Variants in CADM2 observed in about 807,000 individuals in gnomAD.
The protein encoded by CADM2 is immunoglobulin superfamily member 4D.
CADM2 carries 12 observed loss-of-function variants against 49.8 expected under a neutral mutation model. That is an observed-to-expected ratio of 0.24 (90% CI 0.15 to 0.39). The LOEUF is 0.39. CADM2 is among the 10% of genes least tolerant of loss of function. CADM2 has a pLI of 1.00. For synonymous variants in CADM2, 214 were observed against 175.4 expected, an observed-to-expected ratio of 1.22 and a Z score of -1.74; for missense variants, 378 against 492.3, an observed-to-expected ratio of 0.77 and a Z score of 2.20.
intron 7 of CADM2, among the ~76,000 whole-genome samples, chr3:85,953,249 A>G (rs1320125408): frequency 1.3e-5 from 2 of 150,992 alleles, no homozygotes; most frequent in Admixed American, 6.6e-5. Flanking sequence ...TTGATTCTTC[A>G]TACACAACTT....
At chr3:85,914,151 G>A (rs959823247) in intron 6 of CADM2, among the ~76,000 whole-genome samples, 1 of 152,032 alleles carries the variant, frequency 6.6e-6, no homozygotes, top group African/African-American at 2.4e-5. Flanking sequence ...ATTATGTTAG[G>A]TTAATTTTAG....
intron 1 of CADM2, among the ~76,000 whole-genome samples, chr3:85,684,571 C>T (rs771449656): frequency 3.9e-5 from 6 of 152,048 alleles, no homozygotes; most frequent in South Asian, 2.1e-4. Flanking sequence ...AAGACATACC[C>T]GAGACTGGGT....
intron 2 of CADM2, among the ~76,000 whole-genome samples, chr3:85,788,407 C>T (rs1312427977): frequency 1.3e-5 from 2 of 151,922 alleles, no homozygotes; most frequent in Non-Finnish European, 2.9e-5. Flanking sequence ...CGTAATTTAA[C>T]GAGTTAGAAT....
intron 1 of CADM2, among the ~76,000 whole-genome samples, chr3:85,348,486 T>G (rs1044530285): frequency 2.0e-5 from 3 of 152,226 alleles, no homozygotes; most frequent in Non-Finnish European, 4.4e-5. Context: ...AGAAAATTTA[T>G]GTAAGCCTCT....
intron 1 of CADM2, among the ~76,000 whole-genome samples, chr3:84,999,609 A>G (rs151026935): frequency 6.6e-6 from 1 of 152,316 alleles, no homozygotes; most frequent in Non-Finnish European, 1.5e-5. Flanking sequence ...ACTTGTTTAC[A>G]GTATGAAATC....
chr3:84,976,406 ATAAAT>A (rs1005626519), intron 1 of CADM2, among the ~76,000 whole-genome samples: 4 of 149,676 alleles, frequency 2.7e-5, no homozygotes, highest in African/African-American at 4.9e-5. Context: ...CATACTTTAA[ATAAAT>A]TAAATAAAGC....
chr3:85,118,288 T>C (rs2038716565), intron 1 of CADM2, among the ~76,000 whole-genome samples: 1 of 152,036 alleles, frequency 6.6e-6, no homozygotes, highest in Non-Finnish European at 1.5e-5. Flanking sequence ...ATCATGTTAT[T>C]TTGGAATTTG....
intron 1 of CADM2, among the ~76,000 whole-genome samples, chr3:85,114,017 T>C (rs6773806): frequency 0.1 from 15,858 of 152,020 alleles, 1,748 homozygotes; most frequent in African/African-American, 0.28. Flanking sequence ...TAATACTTAG[T>C]GGTATGTTTG....
intron 1 of CADM2, among the ~76,000 whole-genome samples, chr3:85,628,572 T>C (rs1333149143): frequency 4.5e-5 from 6 of 133,722 alleles, no homozygotes; most frequent in Non-Finnish European, 4.6e-5. Flanking sequence ...TATATACATA[T>C]ATACACACAC....
At chr3:85,738,929 A>G (rs1286068095) in intron 2 of CADM2, among the ~76,000 whole-genome samples, 6 of 152,172 alleles carry the variant, frequency 3.9e-5, no homozygotes, top group African/African-American at 1.2e-4. Context: ...CCTAGTCAAA[A>G]GTAGTTGTAA....
rs979061405 is a variant in CADM2, at chr3:85,613,105, A to G, written c.62-113417A>G. ...ACACACACAGGAATAAGGTAGTTAC[A>G]TGGATTCATGATGTGAAAAGCTCTT... is the stretch of plus-strand genomic sequence containing the variant. On this transcript the variant is annotated intron_variant, in intron 1 of 9. Coordinates refer to ENST00000383699, the MANE Select transcript of CADM2 (RefSeq NM_001167675.2). Among the ~76,000 whole-genome samples the G allele has an allele frequency of 4.6e-5, 7 of 151,810 alleles. 1 individual carries two copies. The highest frequency in any genetic ancestry group is 7.4e-5 in the Non-Finnish European group (5 of 67,770).
chr3:85,802,727 G>T (rs931698366), intron 3 of CADM2, among the ~76,000 whole-genome samples: 1 of 151,976 alleles, frequency 6.6e-6, no homozygotes, highest in Non-Finnish European at 1.5e-5. Context: ...AAGTTGAATT[G>T]GACTTCATTA....
At chr3:85,143,741 A>T (rs1349279723) in intron 1 of CADM2, among the ~76,000 whole-genome samples, 1 of 152,112 alleles carries the variant, frequency 6.6e-6, no homozygotes, top group Non-Finnish European at 1.5e-5. Flanking sequence ...CTGGGGTATT[A>T]CCCTAGCTTC....
intron 6 of CADM2, among the ~76,000 whole-genome samples, chr3:85,924,502 G>A (rs1719565949): frequency 6.6e-6 from 1 of 151,926 alleles, no homozygotes; most frequent in African/African-American, 2.4e-5. Context: ...CAAAGTGGAA[G>A]GATCCCTTAA....
intron 8 of CADM2, among the ~76,000 whole-genome samples, chr3:85,987,284 CATT>C (rs1370817648): frequency 6.6e-6 from 1 of 151,966 alleles, no homozygotes; most frequent in Non-Finnish European, 1.5e-5. Flanking sequence ...AAACATCAAA[CATT>C]TTTTAAAGTT....
chr3:85,637,621 A>AAAAATAAAATAAAATAAAAT (rs1559958577), intron 1 of CADM2, among the ~76,000 whole-genome samples: 1 of 114,524 alleles, frequency 8.7e-6, no homozygotes, highest in East Asian at 2.3e-4. Flanking sequence ...AAAAAAAAAA[A>AAAAATAAAATAAAATAAAAT]AAAATAAAAT....
chr3:85,419,991 AAC>A (rs747370711), intron 1 of CADM2, among the ~76,000 whole-genome samples: 7 of 152,164 alleles, frequency 4.6e-5, no homozygotes, highest in Non-Finnish European at 1.0e-4. Context: ...TCGCCTCAGG[AAC>A]ACAGTTTGAA....
intron 8 of CADM2, among the ~76,000 whole-genome samples, chr3:86,009,670 C>T (rs534841062): frequency 8.6e-5 from 13 of 151,754 alleles, no homozygotes; most frequent in Non-Finnish European, 1.5e-4. Flanking sequence ...TCTTTCTCCC[C>T]CATGGGCTGT....
chr3:85,744,288 G>T (rs190408786), intron 2 of CADM2, among the ~76,000 whole-genome samples: 25 of 151,980 alleles, frequency 1.6e-4, no homozygotes, highest in Admixed American at 1.6e-3. Flanking sequence ...GAATAAGATT[G>T]AATATTTGAT....
Sources: gnomAD v4.1 joint callset for allele counts (sites outside exome capture counted in the v4.1 genomes callset) on GRCh38, gnomAD v4.1.1 for gene constraint, MANE v1.5 for transcripts, NCBI Gene and HGNC (gene_info 2026-07-23, HGNC 2026-07-21) for gene names.